The following PDE10A variants were observed in gnomAD, a reference collection of about 807,000 sequenced individuals.
PDE10A encodes the protein cAMP and cAMP-inhibited cGMP 3',5'-cyclic phosphodiesterase 10A.
Under a neutral mutation model 97.7 loss-of-function variants are expected in PDE10A, and 39 were observed. That is an observed-to-expected ratio of 0.40 (90% CI 0.31 to 0.52). The LOEUF is 0.52. Ranked by LOEUF, PDE10A falls within the 20% of genes least tolerant of loss-of-function variation. PDE10A has a pLI of 0.56. For synonymous variants in PDE10A, 371 were observed against 376.8 expected (o/e 0.98, Z 0.18); for missense variants, 731 against 1,047.8 (o/e 0.70, Z 4.17).
intron 2 of PDE10A, among the ~76,000 whole-genome samples, chr6:165,491,684 T>C (rs959987879): frequency 1.3e-5 from 2 of 151,976 alleles, no homozygotes; most frequent in Non-Finnish European, 2.9e-5. Context: ...ACATGATCTA[T>C]CAAAACCTCT....
At chr6:165,911,430 C>G (rs887917800) in intron 1 of PDE10A, among the ~76,000 whole-genome samples, 4 of 152,122 alleles carry the variant, frequency 2.6e-5, no homozygotes, top group African/African-American at 9.7e-5. Flanking sequence ...AGAATTCCCC[C>G]GAACAAACTA....
intron 2 of PDE10A, among the ~76,000 whole-genome samples, chr6:165,536,812 G>A (rs1783114299): frequency 6.6e-6 from 1 of 151,794 alleles, no homozygotes. Context: ...AACAAATGCT[G>A]GCGAAGAAAG....
At chr6:165,714,902 C>T (rs1467237644) in intron 1 of PDE10A, among the ~76,000 whole-genome samples, 1 of 151,418 alleles carries the variant, frequency 6.6e-6, no homozygotes, top group African/African-American at 2.4e-5. Context: ...CTGGGGAGCA[C>T]CCCCTTCCCC....
chr6:165,463,332 GAA>G (rs1778437126), intron 3 of PDE10A, among the ~76,000 whole-genome samples: 1 of 152,170 alleles, frequency 6.6e-6, no homozygotes, highest in African/African-American at 2.4e-5. Flanking sequence ...ATTTGGGAAA[GAA>G]TAAAAAAGCT....
intron 1 of PDE10A, among the ~76,000 whole-genome samples, chr6:165,722,446 A>C (rs567334636): frequency 3.3e-5 from 5 of 152,384 alleles, no homozygotes; most frequent in Non-Finnish European, 7.3e-5. Context: ...CATGGATAGC[A>C]ACAAATCCTG....
intron 1 of PDE10A, among the ~76,000 whole-genome samples, chr6:165,765,743 G>A (rs1459447218): frequency 5.3e-5 from 8 of 152,124 alleles, no homozygotes; most frequent in African/African-American, 1.9e-4. Context: ...ACAGTGCAGC[G>A]GTGGGCTGAA....
At chr6:165,513,410 C>T (rs998840536) in intron 2 of PDE10A, among the ~76,000 whole-genome samples, 2 of 152,046 alleles carry the variant, frequency 1.3e-5, no homozygotes, top group Admixed American at 6.6e-5. Context: ...ATCTCTGCAG[C>T]AGTACAAAAT....
chr6:165,904,837 CCTT>C (rs747768555), intron 1 of PDE10A, among the ~76,000 whole-genome samples: 33 of 152,152 alleles, frequency 2.2e-4, no homozygotes, highest in Middle Eastern at 3.2e-3. Context: ...ATTCAACTCT[CCTT>C]CTTTTTATCA....
chr6:165,470,518 G>C (rs2128270631), intron 3 of PDE10A, among the ~76,000 whole-genome samples: 1 of 152,168 alleles, frequency 6.6e-6, no homozygotes, highest in South Asian at 2.1e-4. Context: ...AGTCAACTTT[G>C]GTTTATACTT....
chr6:165,395,104 G>T, intron 15 of PDE10A, 77 bp downstream of exon 15: 2 of 795,792 alleles, frequency 2.5e-6, no homozygotes, highest in Non-Finnish European at 2.1e-6. Flanking sequence ...AAAGATCGTG[G>T]TGAGGCATAT....
In PDE10A at chr6:165,450,278, G is replaced by C. The variant is rs1317798824; in HGVS notation, c.1108C>G (p.Leu370Val). 6.2e-7 allele frequency: 1 copy of C among 1,606,714 alleles called. No individual in the cohort carries two copies. Among genetic ancestry groups the C allele is most frequent in the East Asian group, 2.2e-5 (1 of 44,710 alleles). The change falls in exon 4 of 22, where the codon CTA (leucine) becomes GTA (valine). Residue 370 changes from leucine to valine, a missense_variant. Leu to Val is a conservative substitution (Grantham distance 32). This residue lies in a region of PDE10A where 152 missense variants were observed against 199.3 expected (regional missense o/e 0.76). Transcript: ENST00000539869. ...ATGCTGCTCAGTTCATAGAGGAGTA[G>C]CTGGTTGTCTCCTCCTGTGTCCAAC... is the stretch of plus-strand genomic sequence containing the variant. ...QRLDTGGDNQLLLYELSSIIK... is the reference protein window; with the variant it reads ...QRLDTGGDNQVLLYELSSIIK...
intron 1 of PDE10A, among the ~76,000 whole-genome samples, chr6:165,944,098 T>C (rs1477047442): frequency 6.6e-6 from 1 of 152,224 alleles, no homozygotes; most frequent in Admixed American, 6.5e-5. Context: ...CTTCTTCACA[T>C]GGCAGCAGCA....
intron 1 of PDE10A, among the ~76,000 whole-genome samples, chr6:165,774,072 A>T (rs879420897): frequency 3.3e-5 from 5 of 152,190 alleles, no homozygotes; most frequent in African/African-American, 9.6e-5. Flanking sequence ...AGCCTCTTTA[A>T]GAAGCCCCAG....
intron 1 of PDE10A, among the ~76,000 whole-genome samples, chr6:165,945,362 C>T (rs555273717): frequency 6.6e-6 from 1 of 152,206 alleles, no homozygotes; most frequent in African/African-American, 2.4e-5. Flanking sequence ...CTTCCTAACC[C>T]TCAGAAACTA....
intron 1 of PDE10A, among the ~76,000 whole-genome samples, chr6:165,788,518 C>CAA (rs56927613): frequency 0.03 from 2,267 of 74,502 alleles, 117 homozygotes; most frequent in African/African-American, 0.075. Context: ...AACTCTGTCT[C>CAA]AAAAAAAAAA....
At chr6:165,658,505 G>GT (rs1388506503) in intron 1 of PDE10A, among the ~76,000 whole-genome samples, 2 of 152,152 alleles carry the variant, frequency 1.3e-5, no homozygotes, top group Non-Finnish European at 2.9e-5. Context: ...AGGTGCGGGC[G>GT]TATTTGTGGC....
At chr6:165,379,642 A>C (rs1414833671) in intron 17 of PDE10A, among the ~76,000 whole-genome samples, 1 of 152,228 alleles carries the variant, frequency 6.6e-6, no homozygotes, top group African/African-American at 2.4e-5. Context: ...CCAGTGATTT[A>C]AATATATCTA....
intron 1 of PDE10A, among the ~76,000 whole-genome samples, chr6:165,898,892 G>T (rs1008237305): frequency 5.9e-5 from 9 of 152,178 alleles, no homozygotes; most frequent in African/African-American, 1.9e-4. Flanking sequence ...ATTTCCAGAA[G>T]GTTCTTCCTC....
At chr6:165,644,034 G>A (rs1303511487) in intron 1 of PDE10A, among the ~76,000 whole-genome samples, 1 of 152,040 alleles carries the variant, frequency 6.6e-6, no homozygotes, top group Non-Finnish European at 1.5e-5. Flanking sequence ...CTGTTGTCAG[G>A]TAGACATCCT....
Sources: gnomAD v4.1 joint callset for allele counts (sites outside exome capture counted in the v4.1 genomes callset) on GRCh38, gnomAD v4.1.1 for gene constraint, gnomAD v4.1.1 regional missense constraint, MANE v1.5 for transcripts, NCBI Gene and HGNC (gene_info 2026-07-23, HGNC 2026-07-21) for gene names.